The following ESRRG variants were observed in gnomAD, a reference collection of about 807,000 sequenced individuals.
ESRRG encodes the protein estrogen related receptor gamma.
In ESRRG, 13 loss-of-function variants were observed where a neutral mutation model predicts 44.0. The ratio of observed to expected loss-of-function variants is 0.30; its 90% confidence interval spans 0.19 to 0.47. The LOEUF (loss-of-function observed/expected upper bound fraction) is 0.47. Ranked by LOEUF, ESRRG falls within the 20% of genes least tolerant of loss-of-function variation. The probability of loss-of-function intolerance (pLI) is 1.00; values close to 1 mark genes in which losing one functional copy is unlikely to be tolerated. For missense variants in ESRRG, 395 were observed against 580.6 expected (o/e 0.68, Z 3.29); for synonymous variants, 215 against 214.6 (o/e 1.00, Z -0.02).
intron 1 of ESRRG, among the ~76,000 whole-genome samples, chr1:217,109,505 C>A (rs2092636952): frequency 6.6e-6 from 1 of 152,150 alleles, no homozygotes; most frequent in Non-Finnish European, 1.5e-5. Flanking sequence ...ATGAAGCACC[C>A]AGTAGTTCCG....
intron 1 of ESRRG, among the ~76,000 whole-genome samples, chr1:216,962,016 C>T (rs2069196919): frequency 6.6e-6 from 1 of 152,054 alleles, no homozygotes; most frequent in Non-Finnish European, 1.5e-5. Context: ...ATACTTCTAA[C>T]CCTATAGTCA....
intron 1 of ESRRG, among the ~76,000 whole-genome samples, chr1:216,959,337 T>C (rs1424561050): frequency 1.6e-5 from 1 of 61,042 alleles, no homozygotes; most frequent in Non-Finnish European, 4.6e-5. Flanking sequence ...ATATATCTAT[T>C]TAAAAGAAAA....
At chr1:216,672,511 G>A (rs1362070818) in intron 2 of ESRRG, among the ~76,000 whole-genome samples, 2 of 152,152 alleles carry the variant, frequency 1.3e-5, no homozygotes, top group African/African-American at 2.4e-5. Context: ...AGTTTAAGAA[G>A]TATTTTTCCC....
At chr1:216,663,377 T>C (rs2073052007) in intron 2 of ESRRG, among the ~76,000 whole-genome samples, 1 of 152,140 alleles carries the variant, frequency 6.6e-6, no homozygotes, top group Non-Finnish European at 1.5e-5. Flanking sequence ...GAAAAGAAAA[T>C]GGATATCAGA....
At chr1:217,108,595 G>A (rs960137602) in intron 1 of ESRRG, among the ~76,000 whole-genome samples, 1 of 151,962 alleles carries the variant, frequency 6.6e-6, no homozygotes, top group Non-Finnish European at 1.5e-5. Flanking sequence ...GTGCTGTCTT[G>A]GTGATAGTTC....
intron 1 of ESRRG, among the ~76,000 whole-genome samples, chr1:217,126,973 T>C (rs1341424980): frequency 6.6e-6 from 1 of 152,210 alleles, no homozygotes; most frequent in Non-Finnish European, 1.5e-5. Context: ...TTACTTATTA[T>C]TTACCTTTTG....
At chr1:217,089,967 G>A (rs1256585704), upstream of ESRRG, among the ~76,000 whole-genome samples, 2 of 152,188 alleles carry the variant, frequency 1.3e-5, no homozygotes, top group Admixed American at 1.3e-4. Context: ...TCCTCGGGTG[G>A]TTACGTGGTA....
chr1:216,950,210 G>A (rs761463743), intron 1 of ESRRG, among the ~76,000 whole-genome samples: 17 of 152,290 alleles, frequency 1.1e-4, no homozygotes, highest in East Asian at 3.9e-4. Flanking sequence ...AGAGAGCAAC[G>A]TGGTTTCTGG....
chr1:217,081,221 CTTT>C (rs143325476), intron 1 of ESRRG, among the ~76,000 whole-genome samples: 154 of 70,406 alleles, frequency 2.2e-3, no homozygotes, highest in African/African-American at 8.8e-3. Context: ...TAAAAATATT[CTTT>C]TTTTTTTTTT....
intron 2 of ESRRG, among the ~76,000 whole-genome samples, chr1:216,756,481 G>A (rs551372108): frequency 6.6e-6 from 1 of 152,024 alleles, no homozygotes; most frequent in South Asian, 2.1e-4. Flanking sequence ...TTCAACGAGA[G>A]GAATTTGTAC....
intron 2 of ESRRG, among the ~76,000 whole-genome samples, chr1:216,930,281 T>C (rs528203279): frequency 3.8e-4 from 58 of 152,326 alleles, no homozygotes; most frequent in African/African-American, 1.3e-3. Flanking sequence ...AAGGAAGATG[T>C]GAACATGGCT....
At chr1:216,815,874 G>A (rs1187346547) in intron 2 of ESRRG, among the ~76,000 whole-genome samples, 1 of 152,154 alleles carries the variant, frequency 6.6e-6, no homozygotes, top group Non-Finnish European at 1.5e-5. Context: ...TCATCCAGGG[G>A]TCTATTGGCC....
intron 1 of ESRRG, among the ~76,000 whole-genome samples, chr1:216,693,103 A>G (rs946711146): frequency 3.3e-5 from 5 of 152,236 alleles, no homozygotes; most frequent in Admixed American, 2.0e-4. Context: ...TGCCCTTGGC[A>G]ACACTTTCTG....
chr1:217,028,392 A>T (rs1041308582), intron 1 of ESRRG, among the ~76,000 whole-genome samples: 1 of 152,154 alleles, frequency 6.6e-6, no homozygotes, highest in African/African-American at 2.4e-5. Flanking sequence ...ACCTACAAAG[A>T]ATTGTGGCTG....
At chr1:216,541,964 C>T (rs575612189) in intron 5 of ESRRG, among the ~76,000 whole-genome samples, 7 of 151,782 alleles carry the variant, frequency 4.6e-5, no homozygotes, top group East Asian at 3.9e-4. Flanking sequence ...CTTCGGGAGC[C>T]GAGCCCAAGA....
intron 1 of ESRRG, among the ~76,000 whole-genome samples, chr1:217,064,288 T>C (rs1212822533): frequency 6.6e-6 from 1 of 152,164 alleles, no homozygotes; most frequent in Non-Finnish European, 1.5e-5. Context: ...GTTGTGAAGA[T>C]TAAATGATAT....
At chr1:216,689,777 A>C (rs1643319441) in intron 1 of ESRRG, among the ~76,000 whole-genome samples, 2 of 152,284 alleles carry the variant, frequency 1.3e-5, no homozygotes, top group Non-Finnish European at 1.5e-5. Flanking sequence ...GGATGTCATA[A>C]ACAAATATAA....
intron 4 of ESRRG, among the ~76,000 whole-genome samples, chr1:216,565,719 G>T (rs923850437): frequency 3.8e-4 from 57 of 151,796 alleles, no homozygotes; most frequent in Admixed American, 3.2e-3. Context: ...AGGCAGATTT[G>T]GGAGGAAATA....
In ESRRG at chr1:216,774,548, C is replaced by A. The variant is rs148410900; in HGVS notation, c.-13-97057G>T. Among the ~76,000 whole-genome samples, 301 of 152,190 alleles carry A rather than the reference C, an allele frequency of 2.0e-3. 2 individuals are homozygous for A. Among genetic ancestry groups the A allele is most frequent in the African/African-American group, 7.1e-3 (293 of 41,530 alleles). ...ACCCTCCAAAACTGTCTCTTCTCCC[C>A]CTTCAAATATACCACTGCGTACTTT... is the stretch of plus-strand genomic sequence containing the variant. On this transcript the variant is annotated intron_variant, in intron 2 of 7. Transcript: ENST00000359162.
Sources: gnomAD v4.1 joint callset for allele counts (sites outside exome capture counted in the v4.1 genomes callset) on GRCh38, gnomAD v4.1.1 for gene constraint, MANE v1.5 for transcripts, NCBI Gene and HGNC (gene_info 2026-07-23, HGNC 2026-07-21) for gene names.